The following NRG1 variants were observed in gnomAD, a reference collection of about 807,000 sequenced individuals.
NRG1 encodes the protein neuregulin 1, also known as pro-neuregulin-1, membrane-bound isoform.
Under a neutral mutation model 63.8 loss-of-function variants are expected in NRG1, and 18 were observed. The ratio of observed to expected loss-of-function variants is 0.28; its 90% confidence interval spans 0.19 to 0.42. The LOEUF is 0.42. NRG1 is among the 10% of genes least tolerant of loss of function. NRG1 has a pLI of 1.00. For missense variants in NRG1, 762 were observed against 814.7 expected, an observed-to-expected ratio of 0.94 and a Z score of 0.79; for synonymous variants, 302 against 301.3, an observed-to-expected ratio of 1.00 and a Z score of -0.02.
At chr8:32,697,912 A>T (rs564728638) in intron 5 of NRG1, among the ~76,000 whole-genome samples, 6 of 152,186 alleles carry the variant, frequency 3.9e-5, no homozygotes, top group Non-Finnish European at 8.8e-5. Context: ...TTAGACATCA[A>T]TATGCTGAAA....
At chr8:31,739,127 TATTTCTG>T (rs1815001554) in intron 1 of NRG1, among the ~76,000 whole-genome samples, 1 of 152,070 alleles carries the variant, frequency 6.6e-6, no homozygotes, top group Admixed American at 6.6e-5. Context: ...TTACTAGTAG[TATTTCTG>T]GCTCTACTCC....
chr8:32,494,951 C>T (rs1306209968), intron 1 of NRG1, among the ~76,000 whole-genome samples: 2 of 152,052 alleles, frequency 1.3e-5, no homozygotes, highest in Non-Finnish European at 2.9e-5. Flanking sequence ...TGTAGTCATG[C>T]TAAATATTCT....
At chr8:31,960,693 A>G (rs999652470) in intron 1 of NRG1, among the ~76,000 whole-genome samples, 1 of 152,208 alleles carries the variant, frequency 6.6e-6, no homozygotes, top group Admixed American at 6.5e-5. Context: ...TTAGAGTGCT[A>G]AACTGCAACT....
intron 1 of NRG1, among the ~76,000 whole-genome samples, chr8:31,991,817 C>G (rs1165898403): frequency 6.6e-6 from 1 of 151,738 alleles, no homozygotes; most frequent in Non-Finnish European, 1.5e-5. Flanking sequence ...ATTTTTTTCC[C>G]AAGATGATAT....
chr8:32,671,970 T>A (rs1207767279), intron 5 of NRG1, among the ~76,000 whole-genome samples: 1 of 152,198 alleles, frequency 6.6e-6, no homozygotes, highest in African/African-American at 2.4e-5. Context: ...TGTCATTTTT[T>A]TCTAAATTAA....
At chr8:32,239,193 T>G (rs1233211432) in intron 1 of NRG1, among the ~76,000 whole-genome samples, 1 of 151,772 alleles carries the variant, frequency 6.6e-6, no homozygotes, top group Admixed American at 6.6e-5. Flanking sequence ...ACAAGCTTAA[T>G]TTAAAACAGA....
intron 1 of NRG1, among the ~76,000 whole-genome samples, chr8:32,481,375 T>C (rs1825265128): frequency 6.8e-6 from 1 of 146,270 alleles, no homozygotes; most frequent in Non-Finnish European, 1.5e-5. Context: ...CAAATAAAGG[T>C]TGTGTTAGAA....
At position 32,195,577 on chromosome 8, in the gene NRG1, A is replaced by T. The variant is rs190870196; in HGVS notation, c.38-400251A>T. 1.6e-4 allele frequency among the ~76,000 whole-genome samples: 24 copies of T among 152,300 alleles called. No homozygotes were observed. In the East Asian group the frequency reaches 4.4e-3, roughly 28 times the overall value. The stretch of plus-strand genomic sequence containing the variant: ...ATATATTGACCTGTTTGGTTTACTA[A>T]TCCACATTAGAGGCCAACAGTATAG... On this transcript the variant is annotated intron_variant, in intron 1 of 10. Coordinates refer to the NRG1 transcript ENST00000519301.
chr8:32,391,791 A>G (rs1733774827), intron 1 of NRG1, among the ~76,000 whole-genome samples: 1 of 152,020 alleles, frequency 6.6e-6, no homozygotes, highest in African/African-American at 2.4e-5. Context: ...TGATTCCTAT[A>G]TATTTTTTAA....
chr8:32,721,747 C>T, intron 5 of NRG1: 1 of 999,548 alleles, frequency 1.0e-6, no homozygotes, highest in Non-Finnish European at 1.3e-6. Context: ...TGGTTCTGAG[C>T]CTGGCTCTGA....
intron 5 of NRG1, among the ~76,000 whole-genome samples, chr8:32,620,673 A>G (rs1934494628): frequency 6.6e-6 from 1 of 151,888 alleles, no homozygotes; most frequent in Admixed American, 6.6e-5. Context: ...AAAATAAAGA[A>G]ATTAGCCAGG....
At chr8:32,525,556 C>T (rs548971226) in intron 1 of NRG1, among the ~76,000 whole-genome samples, 5 of 152,138 alleles carry the variant, frequency 3.3e-5, no homozygotes, top group South Asian at 2.1e-4. Flanking sequence ...CACATTTACA[C>T]GTCTCTCAGC....
chr8:32,506,705 C>T (rs992861013), intron 1 of NRG1, among the ~76,000 whole-genome samples: 1 of 151,768 alleles, frequency 6.6e-6, no homozygotes, highest in Non-Finnish European at 1.5e-5. Flanking sequence ...CTGCAGAAAT[C>T]TTGGGGGGTA....
At chr8:32,380,365 T>C (rs1488852727) in intron 1 of NRG1, among the ~76,000 whole-genome samples, 6 of 152,174 alleles carry the variant, frequency 3.9e-5, no homozygotes, top group Non-Finnish European at 5.9e-5. Context: ...AGAGTGTTTC[T>C]GGAAATCTTT....
intron 1 of NRG1, among the ~76,000 whole-genome samples, chr8:32,322,358 T>TATAC (rs1194703053): frequency 4.0e-4 from 58 of 144,040 alleles, no homozygotes; most frequent in South Asian, 1.5e-3. Flanking sequence ...CCTTATTTTA[T>TATAC]ATATATATAT....
At chr8:32,710,310 T>C (rs1264005596) in intron 5 of NRG1, among the ~76,000 whole-genome samples, 2 of 152,214 alleles carry the variant, frequency 1.3e-5, no homozygotes, top group African/African-American at 4.8e-5. Flanking sequence ...GAAATACTTT[T>C]TTTGTCTTTT....
chr8:32,466,235 G>A (rs750443046), intron 1 of NRG1, among the ~76,000 whole-genome samples: 1 of 152,108 alleles, frequency 6.6e-6, no homozygotes, highest in Non-Finnish European at 1.5e-5. Context: ...GCTAAGGCAG[G>A]AGGATTGCTT....
At chr8:32,544,472 A>ATTATTTAT (rs10574242), upstream of NRG1, among the ~76,000 whole-genome samples, 47 of 139,868 alleles carry the variant, frequency 3.4e-4, no homozygotes, top group South Asian at 3.7e-3. Context: ...TGCCTAGCTT[A>ATTATTTAT]TTATTTATTT....
chr8:31,801,633 A>T (rs542312740), intron 1 of NRG1, among the ~76,000 whole-genome samples: 6 of 152,222 alleles, frequency 3.9e-5, no homozygotes, highest in Non-Finnish European at 8.8e-5. Flanking sequence ...CTCCAAACCA[A>T]TCTTTGGTAT....
Sources: gnomAD v4.1 joint callset for allele counts (sites outside exome capture counted in the v4.1 genomes callset) on GRCh38, gnomAD v4.1.1 for gene constraint, MANE v1.5 for transcripts, NCBI Gene and HGNC (gene_info 2026-07-23, HGNC 2026-07-21) for gene names.